LRP1: variants seen among roughly 807,000 people sequenced by gnomAD.
The protein encoded by LRP1 is LDL receptor related protein 1, also known as prolow-density lipoprotein receptor-related protein 1.
In LRP1, 51 loss-of-function variants were observed where a neutral mutation model predicts 541.5. The observed-to-expected ratio is 0.09, with a 90% confidence interval of 0.08 to 0.12. The LOEUF (loss-of-function observed/expected upper bound fraction) is 0.12, where lower values mean the gene tolerates loss of function less well. LRP1 is among the 10% of genes least tolerant of loss of function. The pLI, the probability that LRP1 is intolerant of heterozygous loss-of-function variation, is 1.00. For missense variants in LRP1, 3,878 were observed against 6,376.2 expected (o/e 0.61, Z 13.34); for synonymous variants, 2,219 against 2,470.8 (o/e 0.90, Z 3.02).
At chr12:57,202,004 C>T (rs1233287984) in intron 67 of LRP1, 99 bp downstream of exon 67, 4 of 1,504,962 alleles carry the variant, frequency 2.7e-6, no homozygotes, top group Non-Finnish European at 3.6e-6. Flanking sequence ...GCTTACCGGT[C>T]TCAGCGTGGC....
rs2035988024 is a variant in LRP1 at position 57,173,711 on chromosome 12, G to T, written c.3347-69G>T. 1.3e-6 allele frequency: 2 copies of T among 1,529,726 alleles called. No homozygotes were observed. Among genetic ancestry groups the T allele is most frequent in the East Asian group, 2.3e-5 (1 of 44,378 alleles). The allele number at this position is 1,529,726 out of a possible 1,614,324, so 94.8% of individuals were successfully genotyped here. A position where few individuals can be genotyped will look rare whatever the true frequency, so the allele number is the denominator to read the frequency against. ...TGACCCTATTAGAGAAGCCCACAGG[G>T]TCTGGAAGGAAGGGCAGGGGGAGCC... On this transcript the variant is annotated intron_variant, in intron 21 of 88. Transcript: ENST00000243077. This position sits in a 1 kb window ranked among gnomAD's most constrained non-coding sequence, Gnocchi z 4.7.
intron 4 of LRP1, 97 bp from the exon 5 acceptor site, chr12:57,144,875 G>A (rs1003509769): frequency 1.6e-6 from 2 of 1,214,100 alleles, no homozygotes; most frequent in African/African-American, 3.0e-5. Flanking sequence ...CTTCAAGGTA[G>A]CTGTAAGGAT....
At chr12:57,147,966 T>A (rs997605085) in intron 6 of LRP1, among the ~76,000 whole-genome samples, 1 of 152,072 alleles carries the variant, frequency 6.6e-6, no homozygotes, top group African/African-American at 2.4e-5. Context: ...TACCTCCCCC[T>A]CCCCTCTGCC....
Position 57,162,686 on chromosome 12 carries a change from C to T in LRP1, c.2404+168C>T, listed in dbSNP as rs2035760338. ...CCAACACAATCTGATTCTCTGTTCC[C>T]CATTTCCCTTCCTGCCCCATGTCTG... On this transcript the variant is annotated intron_variant, in intron 14 of 88. Transcript: ENST00000243077. The surrounding 1 kb of genome is among the most constrained non-coding windows in gnomAD (Gnocchi z 5.2). Among the ~76,000 whole-genome samples, 1 of 152,102 alleles carries T rather than the reference C, an allele frequency of 6.6e-6. No homozygotes were observed. Among genetic ancestry groups the T allele is most frequent in the Admixed American group, 6.6e-5 (1 of 15,248 alleles).
At chr12:57,152,314 C>T (rs774733212) in intron 6 of LRP1, among the ~76,000 whole-genome samples, 5 of 152,080 alleles carry the variant, frequency 3.3e-5, no homozygotes, top group Non-Finnish European at 7.4e-5. Context: ...GCCGTAGCTG[C>T]GCCAGCTGGT....
Position 57,190,128 on chromosome 12 carries a change from A to G in LRP1, c.7032-677A>G, listed in dbSNP as rs184830262. Among the ~76,000 whole-genome samples, 422 of 152,272 alleles carry G rather than the reference A, an allele frequency of 2.8e-3. 6 individuals are homozygous for G. The East Asian group carries it at 0.041, about 15-fold the overall frequency. ...CGTTACGAGGCAGAACGGTGGCTCC[A>G]ACCCCAAACATGCAAAGGCCTCAAA... is the stretch of plus-strand genomic sequence containing the variant. On this transcript the variant is annotated intron_variant, in intron 42 of 88. Coordinates refer to ENST00000243077, the MANE Select transcript of LRP1 (RefSeq NM_002332.3).
Position 57,210,088 on chromosome 12 carries a change from C to T in LRP1, c.12499C>T (p.Pro4167Ser), listed in dbSNP as rs1455368777. 1 of 1,613,498 alleles carries T rather than the reference C, an allele frequency of 6.2e-7. No individual in the cohort carries two copies. Among genetic ancestry groups the T allele is most frequent in the African/African-American group, 1.3e-5 (1 of 74,930 alleles). The stretch of plus-strand genomic sequence containing the variant: ...GCTCTGCCTGCTGAGCCCCAGTGGG[C>T]CTGTCTGCACCTGTCCCAATGGGAA... Reference protein sequence around the residue: ...EWLCLLSPSGPVCTCPNGKRL... With the variant: ...EWLCLLSPSGSVCTCPNGKRL... Residue 4167 changes from proline to serine, a missense_variant, in exon 81 of 89, where the codon CCT (proline) becomes TCT (serine). By Grantham distance (74) the Pro-to-Ser change is moderately conservative (BLOSUM62 -1). Coordinates refer to ENST00000243077, the MANE Select transcript of LRP1 (RefSeq NM_002332.3).
At position 57,189,714 on chromosome 12, in the gene LRP1, C is replaced by G; in HGVS notation, c.7032-1091C>G. Among the ~76,000 whole-genome samples the G allele has an allele frequency of 7.0e-6, 1 of 142,528 alleles. No homozygotes were observed. Among genetic ancestry groups the G allele is most frequent in the Non-Finnish European group, 1.5e-5 (1 of 65,710 alleles). 93.5% of individuals were successfully genotyped at this position (142,528 alleles called of 152,430 possible). ...CAGAGGTAGGAGGAGGCCAGAGGCA[C>G]TGGGGTGGGGGCGGGGGCAGGTCCT... On this transcript the variant is annotated intron_variant, in intron 42 of 88. Coordinates refer to ENST00000243077, the MANE Select transcript of LRP1 (RefSeq NM_002332.3). This position sits in a 1 kb window ranked among gnomAD's most constrained non-coding sequence, Gnocchi z 4.4.
Position 57,162,844 on chromosome 12 carries a change from G to C in LRP1, c.2405-14G>C. 1 of 1,602,226 alleles carries C rather than the reference G, an allele frequency of 6.2e-7. No homozygotes were observed. The highest frequency in any genetic ancestry group is 8.5e-7 in the Non-Finnish European group (1 of 1,174,826). Reference sequence around the variant, plus strand: ...CTTCCTCCCTTTGCCTTTCCCCATGGCCCTTCCCCACAGTTGGCACCAACA... The same window carrying C: ...CTTCCTCCCTTTGCCTTTCCCCATGCCCCTTCCCCACAGTTGGCACCAACA... On this transcript the variant is annotated splice_polypyrimidine_tract_variant and intron_variant, in intron 14 of 88. Transcript: ENST00000243077. This position sits in a 1 kb window ranked among gnomAD's most constrained non-coding sequence, Gnocchi z 5.2.
Position 57,179,074 on chromosome 12 carries a change from C to T in LRP1, c.4738+53C>T, listed in dbSNP as rs1432450221. ...GAGCAACTGAGGCTGGAGGGAAGGCCGCAGGCCCCAGGATCCCGGTTGTCA... is the reference window on the plus strand; with the variant it reads ...GAGCAACTGAGGCTGGAGGGAAGGCTGCAGGCCCCAGGATCCCGGTTGTCA... On this transcript the variant is annotated intron_variant, in intron 28 of 88. Coordinates refer to ENST00000243077, the MANE Select transcript of LRP1 (RefSeq NM_002332.3). This position sits in a 1 kb window ranked among gnomAD's most constrained non-coding sequence, Gnocchi z 6.8. 8 of 1,586,772 alleles carry T rather than the reference C, an allele frequency of 5.0e-6. No homozygotes were observed. The highest frequency in any genetic ancestry group is 2.7e-5 in the African/African-American group (2 of 73,818).
chr12:57,179,190 C>T lies in LRP1; in HGVS notation c.4739-139C>T. 1 of 1,176,920 alleles carries T rather than the reference C, an allele frequency of 8.5e-7. No homozygotes were observed. The highest frequency in any genetic ancestry group is 1.2e-6 in the Non-Finnish European group (1 of 832,334). The allele number at this position is 1,176,920 out of a possible 1,614,324, so 72.9% of individuals were successfully genotyped here. ...AGGGGCTGCAGGTCTGCCAGGGGGG[C>T]TGCACCCAGCGGGGTATGTCCACGG... is the stretch of plus-strand genomic sequence containing the variant. On this transcript the variant is annotated intron_variant, in intron 28 of 88. Transcript: ENST00000243077. This position sits in a 1 kb window ranked among gnomAD's most constrained non-coding sequence, Gnocchi z 6.8.
chr12:57,165,106 C>G lies in LRP1; in HGVS notation c.2531-699C>G, dbSNP rs1295341786. ...GGAGGACACATACCAGCCTCCAGGTCCATGGTCCATGGGATACGGGAGGGG... is the reference window on the plus strand; with the variant it reads ...GGAGGACACATACCAGCCTCCAGGTGCATGGTCCATGGGATACGGGAGGGG... On this transcript the variant is annotated intron_variant, in intron 15 of 88. Transcript: ENST00000243077. This position sits in a 1 kb window ranked among gnomAD's most constrained non-coding sequence, Gnocchi z 4.5. 1 of 152,388 alleles carries G rather than the reference C, an allele frequency of 6.6e-6. No individual in the cohort carries two copies. The highest frequency in any genetic ancestry group is 1.9e-4 in the East Asian group (1 of 5,202). 9.4% of individuals were successfully genotyped at this position (152,388 alleles called of 1,614,324 possible).
In LRP1 at chr12:57,133,070, T is replaced by A. The variant is rs151070177; in HGVS notation, c.67+4039T>A. 4.6e-3 allele frequency among the ~76,000 whole-genome samples: 703 copies of A among 152,258 alleles called. 17 individuals carry two copies. Among genetic ancestry groups the A allele is most frequent in the East Asian group, 0.037 (193 of 5,182 alleles). On this transcript the variant is annotated intron_variant, in intron 1 of 88. Coordinates refer to ENST00000243077, the MANE Select transcript of LRP1 (RefSeq NM_002332.3). ...TGGGCTAAGAGGGAGAAAGGAGGTA[T>A]TTCAGAAGGAAGGAGGGAGGTTAGA... is the stretch of plus-strand genomic sequence containing the variant.
At chr12:57,159,659 C>G (rs1427240699) in intron 11 of LRP1, among the ~76,000 whole-genome samples, 166 bp from the exon 12 acceptor site, 1 of 152,168 alleles carries the variant, frequency 6.6e-6, no homozygotes, top group African/African-American at 2.4e-5. Context: ...ATTCCTTTTC[C>G]AGCCTCCTGT....
Position 57,181,250 on chromosome 12 carries a change from C to T in LRP1, c.5621C>T (p.Thr1874Ile). The change falls in exon 34 of 89, where the codon ACA (threonine) becomes ATA (isoleucine). Residue 1874 changes from threonine to isoleucine, a missense_variant. Thr to Ile is a moderately conservative substitution (Grantham distance 89). This residue lies in a region of LRP1 where 394 missense variants were observed against 635.9 expected (regional missense o/e 0.62). Coordinates refer to ENST00000243077, the MANE Select transcript of LRP1 (RefSeq NM_002332.3). ...TSETTRSCMC[T>I]AGYSLRSGQQ... ...GAGACGACCCGCTCCTGCATGTGCA[C>T]AGCCGGCTATAGCCTCCGGAGTGGC... 6.2e-7 allele frequency: 1 copy of T among 1,613,600 alleles called. No homozygotes were observed. The highest frequency in any genetic ancestry group is 8.5e-7 in the Non-Finnish European group (1 of 1,180,030).
intron 1 of LRP1, among the ~76,000 whole-genome samples, chr12:57,135,826 G>A (rs183109207): frequency 8.3e-4 from 126 of 152,322 alleles, no homozygotes; most frequent in African/African-American, 2.6e-3. Flanking sequence ...GCCAAAAATG[G>A]GGGTGGGGGA....
At chr12:57,139,721 C>T (rs928671843) in intron 2 of LRP1, among the ~76,000 whole-genome samples, 6 of 152,214 alleles carry the variant, frequency 3.9e-5, no homozygotes, top group African/African-American at 1.4e-4. Flanking sequence ...CAAACACATT[C>T]TCACAGTAAC....
chr12:57,178,224 G>T lies in LRP1; in HGVS notation c.4362-135G>T. ...TCTGTCTGTCTGCTCTGGCCAGCAA[G>T]GCTTAGGGGAGGGAATGGTCCCATG... is the stretch of plus-strand genomic sequence containing the variant. On this transcript the variant is annotated intron_variant, in intron 26 of 88. Coordinates refer to ENST00000243077, the MANE Select transcript of LRP1 (RefSeq NM_002332.3). The surrounding 1 kb of genome is among the most constrained non-coding windows in gnomAD (Gnocchi z 5.8). 2 of 1,048,834 alleles carry T rather than the reference G, an allele frequency of 1.9e-6. No homozygotes were observed. The highest frequency in any genetic ancestry group is 2.7e-6 in the Non-Finnish European group (2 of 730,852). The allele number at this position is 1,048,834 out of a possible 1,614,324, so 65.0% of individuals were successfully genotyped here.
In LRP1 at chr12:57,204,162, C is replaced by T. The variant is rs1277353806; in HGVS notation, c.10952-248C>T. Reference sequence around the variant, plus strand: ...CTGTGGAACTACACAGCACAGTGCCCTGCCACATACCAGAGAAGGAGTGCC... The same window carrying T: ...CTGTGGAACTACACAGCACAGTGCCTTGCCACATACCAGAGAAGGAGTGCC... On this transcript the variant is annotated intron_variant, in intron 70 of 88. Coordinates refer to ENST00000243077, the MANE Select transcript of LRP1 (RefSeq NM_002332.3). This position sits in a 1 kb window ranked among gnomAD's most constrained non-coding sequence, Gnocchi z 5.3. The T allele has an allele frequency of 9.1e-6, 4 of 437,548 alleles. No individual in the cohort carries two copies. Among genetic ancestry groups the T allele is most frequent in the Non-Finnish European group, 1.6e-5 (4 of 246,318 alleles). The allele number at this position is 437,548 out of a possible 1,614,324, so 27.1% of individuals were successfully genotyped here. A position where few individuals can be genotyped will look rare whatever the true frequency, so the allele number is the denominator to read the frequency against.
Sources: allele counts gnomAD v4.1 joint callset (sites outside exome capture counted in the v4.1 genomes callset), GRCh38; gene constraint gnomAD v4.1.1; regional missense constraint gnomAD v4.1.1; non-coding constraint Gnocchi (gnomAD v3.1); transcripts MANE v1.5; gene names NCBI Gene and HGNC (gene_info 2026-07-23, HGNC 2026-07-21).